Variants in PTPN12 observed in about 807,000 individuals in gnomAD.
The protein encoded by PTPN12 is tyrosine-protein phosphatase non-receptor type 12.
In PTPN12, 29 loss-of-function variants were observed where a neutral mutation model predicts 97.6. That is an observed-to-expected ratio of 0.30 (90% CI 0.22 to 0.41). The LOEUF (loss-of-function observed/expected upper bound fraction) is 0.41, where lower values mean the gene tolerates loss of function less well. Ranked by LOEUF, PTPN12 falls within the 10% of genes least tolerant of loss-of-function variation. The pLI, the probability that PTPN12 is intolerant of heterozygous loss-of-function variation, is 1.00. For missense variants in PTPN12, 819 were observed against 926.0 expected (o/e 0.88, Z 1.50); for synonymous variants, 327 against 300.4 (o/e 1.09, Z -0.91).
chr7:77,609,707 T>C (rs923091507), intron 9 of PTPN12, among the ~76,000 whole-genome samples: 1 of 150,264 alleles, frequency 6.7e-6, no homozygotes, highest in African/African-American at 2.5e-5. Flanking sequence ...GGTGAAACCC[T>C]GTCTCTACTA....
chr7:77,541,682 T>C (rs946026667), intron 1 of PTPN12, among the ~76,000 whole-genome samples: 4 of 152,168 alleles, frequency 2.6e-5, no homozygotes, highest in East Asian at 1.9e-4. Flanking sequence ...AAAACTGATA[T>C]CTTGTTTTAA....
In PTPN12 at chr7:77,604,458, C is replaced by T. The variant is rs923694122; in HGVS notation, c.696-2777C>T. The stretch of plus-strand genomic sequence containing the variant: ...TTGAACTCCTGACCTCAGGTGATCA[C>T]CTGCCTCGGCCTCCCAAAGTGCTGG... On this transcript the variant is annotated intron_variant, in intron 8 of 17. Transcript: ENST00000248594. 5.9e-5 allele frequency among the ~76,000 whole-genome samples: 9 copies of T among 152,018 alleles called. No homozygotes were observed. In the South Asian group the frequency reaches 1.0e-3, roughly 18 times the overall value.
chr7:77,579,274 A>G (rs377008989), intron 2 of PTPN12, among the ~76,000 whole-genome samples: 3 of 152,098 alleles, frequency 2.0e-5, no homozygotes, highest in South Asian at 4.1e-4. Context: ...GGCATGCGCC[A>G]CGATGCCCTG....
intron 4 of PTPN12, 33 bp from the exon 5 acceptor site, chr7:77,585,510 T>A (rs2151335874): frequency 6.3e-7 from 1 of 1,582,336 alleles, no homozygotes; most frequent in Non-Finnish European, 8.7e-7. Context: ...AACTGATACG[T>A]TCTTTATCTC....
At chr7:77,546,575 G>T (rs538985672) in intron 1 of PTPN12, among the ~76,000 whole-genome samples, 27 of 152,352 alleles carry the variant, frequency 1.8e-4, no homozygotes, top group Admixed American at 5.2e-4. Context: ...TGTAGGGTCT[G>T]TAGCTGGCCT....
chr7:77,625,131 T>C (rs1218466482), intron 12 of PTPN12, among the ~76,000 whole-genome samples: 1 of 151,902 alleles, frequency 6.6e-6, no homozygotes, highest in Non-Finnish European at 1.5e-5. Flanking sequence ...CAAGACTCTA[T>C]CTCAAAAGAA....
At chr7:77,563,490 T>C (rs574999749) in intron 1 of PTPN12, among the ~76,000 whole-genome samples, 21 of 152,348 alleles carry the variant, frequency 1.4e-4, no homozygotes, top group African/African-American at 4.6e-4. Context: ...TGGGCCTGTA[T>C]GCCAGTACTA....
chr7:77,607,317 T>A lies in PTPN12; in HGVS notation c.762+16T>A, dbSNP rs146361748. 6.5e-7 allele frequency: 1 copy of A among 1,533,514 alleles called. No individual in the cohort carries two copies. Among genetic ancestry groups the A allele is most frequent in the South Asian group, 1.1e-5 (1 of 88,756 alleles). 95.0% of individuals were successfully genotyped at this position (1,533,514 alleles called of 1,614,324 possible). On this transcript the variant is annotated intron_variant, in intron 9 of 17. Transcript: ENST00000248594. The stretch of plus-strand genomic sequence containing the variant: ...AAAAGCTGGGGTAAGAATAATTTTT[T>A]GTAGCATTATGTTCAATTGATCTAT...
intron 14 of PTPN12, among the ~76,000 whole-genome samples, chr7:77,633,694 G>A (rs1042798629): frequency 1.1e-4 from 17 of 152,036 alleles, no homozygotes; most frequent in Non-Finnish European, 1.8e-4. Flanking sequence ...TTGGGTGGGC[G>A]TCACTGGATT....
intron 2 of PTPN12, among the ~76,000 whole-genome samples, chr7:77,573,817 G>A (rs570438770): frequency 6.6e-6 from 1 of 152,300 alleles, no homozygotes; most frequent in East Asian, 1.9e-4. Flanking sequence ...CTGGAGTGCA[G>A]TGGTGCGATC....
intron 12 of PTPN12, among the ~76,000 whole-genome samples, chr7:77,626,429 C>G (rs1789182167): frequency 1.3e-5 from 2 of 152,090 alleles, no homozygotes; most frequent in South Asian, 4.1e-4. Context: ...ATTTTAGAAG[C>G]AGCTATAAAA....
Position 77,537,544 on chromosome 7 carries a change from A to G in PTPN12, c.-3A>G. 6.3e-7 allele frequency: 1 copy of G among 1,588,000 alleles called. No individual in the cohort carries two copies. Among genetic ancestry groups the G allele is most frequent in the Non-Finnish European group, 8.6e-7 (1 of 1,169,240 alleles). On this transcript the variant is annotated 5_prime_UTR_variant, in exon 1 of 18. Transcript: ENST00000248594. ...GCGACCGCAGCCGGGGGGACGCGGG[A>G]GGATGGAGCAAGTGGAGATCCTGAG...
In PTPN12 at chr7:77,587,416, T is replaced by C. The variant is rs970594381; in HGVS notation, c.420+1835T>C. On this transcript the variant is annotated intron_variant, in intron 5 of 17. Transcript: ENST00000248594. ...TTTTCCAACCAGTAGTCCCCAGTAG[T>C]GAGCTTAAAATATTCATTAAACCAT... 1.2e-3 allele frequency among the ~76,000 whole-genome samples: 178 copies of C among 152,172 alleles called. 1 individual carries two copies. Among genetic ancestry groups the C allele is most frequent in the African/African-American group, 4.1e-3 (172 of 41,500 alleles).
At chr7:77,600,856 TA>T in intron 8 of PTPN12, 50 bp downstream of exon 8, 1 of 1,436,228 alleles carries the variant, frequency 7.0e-7, no homozygotes. Flanking sequence ...AGTTTGATGT[TA>T]CACAAGGTTT....
chr7:77,538,091 G>T, intron 1 of PTPN12: 2 of 991,722 alleles, frequency 2.0e-6, no homozygotes, highest in African/African-American at 1.7e-5. Flanking sequence ...GCTGACAGAG[G>T]AACGGGGGTA....
intron 8 of PTPN12, among the ~76,000 whole-genome samples, chr7:77,601,401 G>C (rs532114073): frequency 2.0e-5 from 3 of 152,080 alleles, no homozygotes; most frequent in African/African-American, 7.2e-5. Context: ...ACCAAGTCTT[G>C]CTCTGTTGCC....
rs147313301 is a variant in PTPN12 at position 77,574,848 on chromosome 7, T to G, written c.208+3662T>G. The stretch of plus-strand genomic sequence containing the variant: ...GACTTGGGATTTTTTTTTCTTTTTT[T>G]TGAGACAGAATCTCACTCTTGTCGC... On this transcript the variant is annotated intron_variant, in intron 2 of 17. Coordinates refer to ENST00000248594, the MANE Select transcript of PTPN12 (RefSeq NM_002835.4). 1.8e-3 allele frequency among the ~76,000 whole-genome samples: 275 copies of G among 152,278 alleles called. 1 individual carries two copies. The highest frequency in any genetic ancestry group is 6.1e-3 in the African/African-American group (255 of 41,550).
intron 13 of PTPN12, among the ~76,000 whole-genome samples, chr7:77,629,217 G>T (rs1200737763): frequency 1.3e-5 from 2 of 152,360 alleles, no homozygotes; most frequent in Admixed American, 1.3e-4. Context: ...CCAAAGGGCT[G>T]GGATTACAGG....
chr7:77,599,141 T>C (rs1030830600), intron 7 of PTPN12, among the ~76,000 whole-genome samples: 7 of 151,942 alleles, frequency 4.6e-5, no homozygotes, highest in South Asian at 2.1e-4. Flanking sequence ...GGAATAGTTA[T>C]ACCTTCTTTG....
Sources: gnomAD v4.1 joint callset for allele counts (sites outside exome capture counted in the v4.1 genomes callset) on GRCh38, gnomAD v4.1.1 for gene constraint, MANE v1.5 for transcripts, NCBI Gene and HGNC (gene_info 2026-07-23, HGNC 2026-07-21) for gene names.